The following PLXNA3 variants were observed in gnomAD, a reference collection of about 807,000 sequenced individuals.
PLXNA3 encodes plexin-A3.
A neutral mutation model predicts 118.8 loss-of-function variants in PLXNA3; 52 were observed. That is an observed-to-expected ratio of 0.44 (90% CI 0.35 to 0.55). The LOEUF (loss-of-function observed/expected upper bound fraction) is 0.55. Among genes scored for constraint, PLXNA3 ranks in the 20% least tolerant of loss-of-function variants. PLXNA3 has a pLI of 0.01. For missense variants in PLXNA3, 1,660 were observed against 1,730.8 expected (o/e 0.96, Z 0.73); for synonymous variants, 925 against 762.4 (o/e 1.21, Z -3.51).
rs782261872 is a variant in PLXNA3, at chrX:154,465,684, G to A, written c.2369G>A (p.Arg790Gln). 5 of 1,207,909 alleles carry A rather than the reference G, an allele frequency of 4.1e-6. No homozygotes were observed. Among genetic ancestry groups the A allele is most frequent in the African/African-American group, 1.7e-5 (1 of 57,356 alleles). ...CTCCTGTACAAGTGCTGGGCGCAGC[G>A]GCCCAGCTGTGGCCTCTGCCTCAAG... is the stretch of plus-strand genomic sequence containing the variant. ...RALLYKCWAQ[R>Q]PSCGLCLKAD... The change falls in exon 13 of 33, where the codon CGG becomes CAG. Residue 790 changes from arginine to glutamine, a missense_variant. Coordinates refer to ENST00000369682, the MANE Select transcript of PLXNA3 (RefSeq NM_017514.5).
chrX:154,460,424 C>G lies in PLXNA3; in HGVS notation c.241C>G (p.Pro81Ala), dbSNP rs371800667. 71 of 1,202,576 alleles carry G rather than the reference C, an allele frequency of 5.9e-5. No homozygotes were observed. In the African/African-American group the frequency reaches 1.2e-3, roughly 20 times the overall value. The change falls in exon 2 of 33, where the codon CCC becomes GCC. Residue 81 changes from proline to alanine, a missense_variant. By Grantham distance (27) the Pro-to-Ala change is conservative (BLOSUM62 -1). Transcript: ENST00000369682. ...VEDNARCYPP[P>A]SMRVCAHRLA... ...GGACAACGCTCGCTGCTACCCGCCC[C>G]CCAGCATGCGCGTGTGTGCCCACCG...
chrX:154,471,143 C>T lies in PLXNA3; in HGVS notation c.5195C>T (p.Pro1732Leu). ...LRFWVNVIKN[P>L]QFVFDIHKNS... ...TTCTGGGTGAATGTGATCAAGAACC[C>T]GCAGTTCGTGTTCGACATCCACAAG... The change falls in exon 31 of 33, where the codon CCG (proline) becomes CTG (leucine). Residue 1732 changes from proline to leucine, a missense_variant. Pro to Leu is a moderately conservative substitution (Grantham distance 98). Coordinates refer to ENST00000369682, the MANE Select transcript of PLXNA3 (RefSeq NM_017514.5). The T allele has an allele frequency of 1.7e-6, 2 of 1,210,941 alleles. No individual in the cohort carries two copies. Among genetic ancestry groups the T allele is most frequent in the Non-Finnish European group, 2.2e-6 (2 of 895,066 alleles).
rs782097596 is a variant in PLXNA3 at position 154,461,081 on chromosome X, C to T, written c.595-18C>T. The T allele has an allele frequency of 3.4e-6, 4 of 1,176,273 alleles. No individual in the cohort carries two copies. Among genetic ancestry groups the T allele is most frequent in the East Asian group, 3.0e-5 (1 of 33,448 alleles). ...CACAGGGCCTCACCGGATGCTGTCT[C>T]CTCCCCCTGCTCCCCAGGTGTACCA... On this transcript the variant is annotated intron_variant, in intron 2 of 32. Coordinates refer to ENST00000369682, the MANE Select transcript of PLXNA3 (RefSeq NM_017514.5).
At chrX:154,461,976 C>T (rs954693943) in intron 3 of PLXNA3, 152 bp from the exon 4 acceptor site, 2 of 474,799 alleles carry the variant, frequency 4.2e-6, no homozygotes, top group South Asian at 4.2e-5. Context: ...CCGCAGCCAC[C>T]AATTTCCTGG....
intron 7 of PLXNA3, 34 bp from the exon 8 acceptor site, chrX:154,464,123 G>A: frequency 8.3e-7 from 1 of 1,208,799 alleles, no homozygotes; most frequent in Non-Finnish European, 1.1e-6. Flanking sequence ...TGTGCTGGGA[G>A]TCCGCCCTGC....
chrX:154,468,299 A>C lies in PLXNA3; in HGVS notation c.3964-4A>C. ...CACCCTCTGAGACCTCCTGCTCCCC[A>C]CAGACGCCACCCAACGTGGAGAAGG... is the stretch of plus-strand genomic sequence containing the variant. On this transcript the variant is annotated splice_region_variant and splice_polypyrimidine_tract_variant and intron_variant, in intron 22 of 32. Coordinates refer to ENST00000369682, the MANE Select transcript of PLXNA3 (RefSeq NM_017514.5). 8.4e-7 allele frequency: 1 copy of C among 1,196,473 alleles called. No homozygotes were observed. The highest frequency in any genetic ancestry group is 1.8e-5 in the South Asian group (1 of 56,129).
Position 154,477,620 on chromosome X carries a change from A to T in PLXNA3, c.*4935A>T, listed in dbSNP as rs2069244940. ...GACAGTAGTTAATCCTGAATGACAG[A>T]ACCCAATTGATTTTCATTTTCTTCC... On this transcript the variant is annotated 3_prime_UTR_variant, in exon 33 of 33. Transcript: ENST00000369682. 4.3e-6 allele frequency: 1 copy of T among 235,019 alleles called. No homozygotes were observed. Among genetic ancestry groups the T allele is most frequent in the African/African-American group, 2.9e-5 (1 of 34,901 alleles). The allele number at this position is 235,019 out of a possible 1,213,427, so 19.4% of individuals were successfully genotyped here. A position where few individuals can be genotyped will look rare whatever the true frequency, so the allele number is the denominator to read the frequency against.
At position 154,464,162 on chromosome X, in the gene PLXNA3, C is replaced by T. The variant is rs782631422; in HGVS notation, c.1677C>T (p.Thr559=). The T allele has an allele frequency of 1.6e-5, 19 of 1,207,436 alleles. No homozygotes were observed. Among genetic ancestry groups the T allele is most frequent in the Admixed American group, 6.5e-5 (3 of 45,862 alleles). Residue 559 remains threonine, a synonymous_variant, in exon 8 of 33, where the codon ACC becomes ACT. Transcript: ENST00000369682. The stretch of plus-strand genomic sequence containing the variant: ...GAGCCCTCTGCTTCCCCCAGCTGAC[C>T]GTCACCCTGCACAACGTGCCAGACC... ...VSVTSPGVQL[T]VTLHNVPDLS...
chrX:154,458,812 G>C (rs2068885285), intron 1 of PLXNA3, among the ~76,000 whole-genome samples: 1 of 112,060 alleles, frequency 8.9e-6, no homozygotes, highest in Non-Finnish European at 1.9e-5. Context: ...CAGGCTCTCT[G>C]CTGGCCCAGC....
intron 32 of PLXNA3, 115 bp downstream of exon 32, chrX:154,471,753 G>A: frequency 1.5e-6 from 1 of 684,275 alleles, no homozygotes; most frequent in Non-Finnish European, 2.2e-6. Flanking sequence ...CCTGACCAGG[G>A]CCTGGGGCCG....
At position 154,461,081 on chromosome X, in the gene PLXNA3, C is replaced by G. The variant is rs782097596; in HGVS notation, c.595-18C>G. ...CACAGGGCCTCACCGGATGCTGTCTCCTCCCCCTGCTCCCCAGGTGTACCA... is the reference window on the plus strand; with the variant it reads ...CACAGGGCCTCACCGGATGCTGTCTGCTCCCCCTGCTCCCCAGGTGTACCA... On this transcript the variant is annotated intron_variant, in intron 2 of 32. Transcript: ENST00000369682. 7 of 1,176,273 alleles carry G rather than the reference C, an allele frequency of 6.0e-6. No homozygotes were observed. The highest frequency in any genetic ancestry group is 5.7e-6 in the Non-Finnish European group (5 of 872,578).
In PLXNA3 at chrX:154,463,255, G is replaced by A. The variant is rs782483695; in HGVS notation, c.1318-136G>A. 398 of 883,587 alleles carry A rather than the reference G, an allele frequency of 4.5e-4. 2 individuals are homozygous for A. The African/African-American group carries it at 4.6e-3, about 10-fold the overall frequency. 72.8% of individuals were successfully genotyped at this position (883,587 alleles called of 1,213,427 possible). ...CTGCACCCTCCTTTTTTTGGCCTCC[G>A]GGCTGTGGGTGTGAGTGCTGAACCC... is the stretch of plus-strand genomic sequence containing the variant. On this transcript the variant is annotated intron_variant, in intron 4 of 32. Coordinates refer to ENST00000369682, the MANE Select transcript of PLXNA3 (RefSeq NM_017514.5).
intron 24 of PLXNA3, 26 bp downstream of exon 24, chrX:154,468,755 G>A: frequency 8.3e-7 from 1 of 1,211,423 alleles, no homozygotes; most frequent in South Asian, 1.8e-5. Flanking sequence ...GGGCGGCAGG[G>A]AGGTGGTGGC....
At chrX:154,460,880 G>GCATCCCA in intron 2 of PLXNA3, 103 bp downstream of exon 2, 1 of 694,405 alleles carries the variant, frequency 1.4e-6, no homozygotes, top group Non-Finnish European at 2.1e-6. Context: ...CTCAGTGTCT[G>GCATCCCA]GGATGCAGAC....
rs144840211 is a variant in PLXNA3 at position 154,467,450 on chromosome X, G to C, written c.3420G>C (p.Pro1140=). 1.7e-6 allele frequency: 2 copies of C among 1,196,235 alleles called. No individual in the cohort carries two copies. The highest frequency in any genetic ancestry group is 3.6e-5 in the South Asian group (2 of 56,022). The change falls in exon 19 of 33, where the codon CCG becomes CCC. Residue 1140 remains proline, a synonymous_variant. Coordinates refer to ENST00000369682, the MANE Select transcript of PLXNA3 (RefSeq NM_017514.5). The part of the protein sequence containing the change: ...LGPSGVLDVK[P]GSHVVLKGKN... Reference sequence around the variant, plus strand: ...CCTCTGGCGTGCTGGACGTCAAACCGGGCTCCCACGTGGTGCTGAAGGTGC... The same window carrying C: ...CCTCTGGCGTGCTGGACGTCAAACCCGGCTCCCACGTGGTGCTGAAGGTGC...
intron 1 of PLXNA3, among the ~76,000 whole-genome samples, chrX:154,459,921 C>A (rs1177625858): frequency 8.8e-6 from 1 of 113,188 alleles, no homozygotes; most frequent in Non-Finnish European, 1.9e-5. Flanking sequence ...TCTGCTACCC[C>A]CTTGGGTGTG....
chrX:154,472,681 G>A lies in PLXNA3; in HGVS notation c.5612G>A (p.Ser1871Asn). The change falls in exon 33 of 33, where the codon AGC (serine) becomes AAC (asparagine). Residue 1871 changes from serine (S) to asparagine (N), a missense_variant. Ser to Asn is a conservative substitution (Grantham distance 46). This residue lies in a region of PLXNA3 where 869 missense variants were observed against 1,078.7 expected (regional missense o/e 0.81). Coordinates refer to ENST00000369682, the MANE Select transcript of PLXNA3 (RefSeq NM_017514.5). ...EQIISLVSSD[S>N] Reference sequence around the variant, plus strand: ...ATCATCAGCCTCGTGTCCAGCGACAGCTAAGGTGGTGGAATCGGTGAGGAG... The same window carrying A: ...ATCATCAGCCTCGTGTCCAGCGACAACTAAGGTGGTGGAATCGGTGAGGAG... 1.7e-6 allele frequency: 2 copies of A among 1,186,166 alleles called. No individual in the cohort carries two copies. Among genetic ancestry groups the A allele is most frequent in the Non-Finnish European group, 2.3e-6 (2 of 871,932 alleles).
intron 3 of PLXNA3, among the ~76,000 whole-genome samples, chrX:154,461,851 T>C (rs2068970111): frequency 8.9e-6 from 1 of 111,851 alleles, no homozygotes; most frequent in African/African-American, 3.3e-5. Context: ...TTCCTTCCGT[T>C]CCCAGCTCGT....
At position 154,469,202 on chromosome X, in the gene PLXNA3, G is replaced by A. The variant is rs1557208543; in HGVS notation, c.4581G>A (p.Glu1527=). Residue 1527 remains glutamate, a synonymous_variant, in exon 26 of 33, where the codon GAG becomes GAA. Coordinates refer to ENST00000369682, the MANE Select transcript of PLXNA3 (RefSeq NM_017514.5). ...CGTACTCCCAGCGTCCCAAAGCTGAGGACATGGACCTGGGTGAGGTCCCCA... is the reference window on the plus strand; with the variant it reads ...CGTACTCCCAGCGTCCCAAAGCTGAAGACATGGACCTGGGTGAGGTCCCCA... ...GIPYSQRPKA[E]DMDLEWRQGR... 1.7e-6 allele frequency: 2 copies of A among 1,210,513 alleles called. No homozygotes were observed. Among genetic ancestry groups the A allele is most frequent in the Non-Finnish European group, 2.2e-6 (2 of 894,858 alleles).
Sources: gnomAD v4.1 joint callset for allele counts (sites outside exome capture counted in the v4.1 genomes callset) on GRCh38, gnomAD v4.1.1 for gene constraint, gnomAD v4.1.1 regional missense constraint, MANE v1.5 for transcripts, NCBI Gene and HGNC (gene_info 2026-07-23, HGNC 2026-07-21) for gene names.